Variants in CMTR1 observed in about 807,000 individuals in gnomAD.
The protein encoded by CMTR1 is cap-specific mRNA (nucleoside-2'-O-)-methyltransferase 1.
CMTR1 carries 39 observed loss-of-function variants against 107.0 expected under a neutral mutation model. The ratio of observed to expected loss-of-function variants is 0.36; its 90% CI spans 0.28 to 0.48. CMTR1 has a LOEUF of 0.48. Among genes scored for constraint, CMTR1 ranks in the 20% least tolerant of loss-of-function variants. The probability of loss-of-function intolerance (pLI) is 0.99; values close to 1 mark genes in which losing one functional copy is unlikely to be tolerated. For missense variants in CMTR1, 672 were observed against 1,064.9 expected (o/e 0.63, Z 5.14); for synonymous variants, 366 against 379.5 (o/e 0.96, Z 0.41).
In CMTR1 at chr6:37,446,297, A is replaced by C; in HGVS notation, c.292A>C (p.Met98Leu). 1 of 1,613,928 alleles carries C rather than the reference A, an allele frequency of 6.2e-7. No homozygotes were observed. The highest frequency in any genetic ancestry group is 8.5e-7 in the Non-Finnish European group (1 of 1,179,968). The change falls in exon 4 of 24, where the codon ATG (methionine) becomes CTG (leucine). Residue 98 changes from methionine (M) to leucine (L), a missense_variant. By Grantham distance (15) the Met-to-Leu change is conservative (BLOSUM62 2). Coordinates refer to ENST00000373451, the MANE Select transcript of CMTR1 (RefSeq NM_015050.3). Reference sequence around the variant, plus strand: ...CACTACTTCTCTTTTTCAGGCCAAGATGGGCTTCAGGGAAGGTGAAGGATT... The same window carrying C: ...CACTACTTCTCTTTTTCAGGCCAAGCTGGGCTTCAGGGAAGGTGAAGGATT... ...NSVSQKLMAKMGFREGEGLGK... is the reference protein window; with the variant it reads ...NSVSQKLMAKLGFREGEGLGK...
In CMTR1 at chr6:37,463,158, G is replaced by T. The variant is rs927778077; in HGVS notation, c.1505+150G>T. On this transcript the variant is annotated intron_variant, in intron 13 of 23. Transcript: ENST00000373451. ...GTCTGCTGGTTTCAGGGCTCCCTGGGACTTTGGTTAGTTACCCTCAGGGAC... is the reference window on the plus strand; with the variant it reads ...GTCTGCTGGTTTCAGGGCTCCCTGGTACTTTGGTTAGTTACCCTCAGGGAC... The T allele has an allele frequency of 3.8e-6, 3 of 794,984 alleles. No individual in the cohort carries two copies. The African/African-American group carries it at 5.2e-5, about 14-fold the overall frequency. 49.2% of individuals were successfully genotyped at this position (794,984 alleles called of 1,614,324 possible). A position where few individuals can be genotyped will look rare whatever the true frequency, so the allele number is the denominator to read the frequency against.
At position 37,459,768 on chromosome 6, in the gene CMTR1, T is replaced by G. The variant is rs1256084832; in HGVS notation, c.1095+84T>G. 2.9e-5 allele frequency: 27 copies of G among 936,394 alleles called. 1 individual carries two copies. The highest frequency in any genetic ancestry group is 2.5e-4 in the South Asian group (19 of 76,244). 58.0% of individuals were successfully genotyped at this position (936,394 alleles called of 1,614,324 possible). On this transcript the variant is annotated intron_variant, in intron 10 of 23. Coordinates refer to ENST00000373451, the MANE Select transcript of CMTR1 (RefSeq NM_015050.3). ...AGAATTGTTTGTTTTATCTGGTTCT[T>G]TAGCTGCTCCCAAAGATGGTATTTC... is the stretch of plus-strand genomic sequence containing the variant.
intron 4 of CMTR1, among the ~76,000 whole-genome samples, chr6:37,446,824 C>CT (rs1771809510): frequency 1.3e-5 from 2 of 152,340 alleles, no homozygotes; most frequent in East Asian, 3.9e-4. Flanking sequence ...CACCCACTCT[C>CT]TCACTGTGTG....
In CMTR1 at chr6:37,446,398, A is replaced by T. The variant is rs750060820; in HGVS notation, c.393A>T (p.Thr131=). The T allele has an allele frequency of 6.2e-7, 1 of 1,613,904 alleles. No homozygotes were observed. The highest frequency in any genetic ancestry group is 2.2e-5 in the East Asian group (1 of 44,890). Reference sequence around the variant, plus strand: ...AAGGTCGAAGAGGCTTGGGTCTGACACTCCGGGGCTTTGACCAGGAGCTGA... The same window carrying T: ...AAGGTCGAAGAGGCTTGGGTCTGACTCTCCGGGGCTTTGACCAGGAGCTGA... ...SQKGRRGLGL[T]LRGFDQELNV... The change falls in exon 4 of 24, where the codon ACA becomes ACT. Residue 131 remains threonine, a synonymous_variant. Coordinates refer to ENST00000373451, the MANE Select transcript of CMTR1 (RefSeq NM_015050.3).
chr6:37,436,815 A>T (rs568802621), intron 2 of CMTR1, among the ~76,000 whole-genome samples: 3 of 152,204 alleles, frequency 2.0e-5, no homozygotes, highest in African/African-American at 7.2e-5. Context: ...ACCATATTCA[A>T]CCCAGCACAC....
intron 13 of CMTR1, among the ~76,000 whole-genome samples, chr6:37,463,347 C>G (rs1026548236): frequency 6.6e-6 from 1 of 152,156 alleles, no homozygotes; most frequent in Non-Finnish European, 1.5e-5. Flanking sequence ...TGTAAAAGGC[C>G]ATCATGCTTG....
chr6:37,476,215 C>A lies in CMTR1; in HGVS notation c.2105+21C>A, dbSNP rs143552460. 546 of 1,613,318 alleles carry A rather than the reference C, an allele frequency of 3.4e-4. 3 individuals are homozygous for A. In the African/African-American group the frequency reaches 6.6e-3, roughly 20 times the overall value. ...ATCAGGTGAGCATGTGGTCCCTACCCTCCATGCTTCTTTCTGGCCAGTACC... is the reference window on the plus strand; with the variant it reads ...ATCAGGTGAGCATGTGGTCCCTACCATCCATGCTTCTTTCTGGCCAGTACC... On this transcript the variant is annotated intron_variant, in intron 20 of 23. Coordinates refer to ENST00000373451, the MANE Select transcript of CMTR1 (RefSeq NM_015050.3).
chr6:37,471,886 G>A lies in CMTR1; in HGVS notation c.1602G>A (p.Glu534=). 10 of 1,613,700 alleles carry A rather than the reference G, an allele frequency of 6.2e-6. No individual in the cohort carries two copies. Among genetic ancestry groups the A allele is most frequent in the Non-Finnish European group, 7.6e-6 (9 of 1,179,928 alleles). ...CTCGACAGGCAGAGATACGGAAGGA[G>A]TGCCTCCGACTCTGGGGGGTGAGTA... ...SEPRQAEIRK[E]CLRLWGIPDQ... Residue 534 remains glutamate (E), a synonymous_variant, in exon 15 of 24, where the codon GAG becomes GAA. Coordinates refer to ENST00000373451, the MANE Select transcript of CMTR1 (RefSeq NM_015050.3).
chr6:37,477,338 G>T (rs1761759718), intron 20 of CMTR1, among the ~76,000 whole-genome samples: 2 of 152,192 alleles, frequency 1.3e-5, no homozygotes, highest in Non-Finnish European at 2.9e-5. Flanking sequence ...CCTGTCTTCA[G>T]TATCCAGTTT....
At position 37,466,835 on chromosome 6, in the gene CMTR1, G is replaced by T. The variant is rs550475670; in HGVS notation, c.1505+3827G>T. ...TGGGTTTTTCTATTTCTGCACATACGTGTATATATATATAATTTTTAATGT... is the reference window on the plus strand; with the variant it reads ...TGGGTTTTTCTATTTCTGCACATACTTGTATATATATATAATTTTTAATGT... On this transcript the variant is annotated intron_variant, in intron 13 of 23. Transcript: ENST00000373451. Among the ~76,000 whole-genome samples, 6 of 152,080 alleles carry T rather than the reference G, an allele frequency of 3.9e-5. No individual in the cohort carries two copies. The South Asian group carries it at 1.2e-3, about 32-fold the overall frequency.
At chr6:37,441,248 C>T (rs1185251728) in intron 2 of CMTR1, among the ~76,000 whole-genome samples, 1 of 152,176 alleles carries the variant, frequency 6.6e-6, no homozygotes, top group Non-Finnish European at 1.5e-5. Context: ...TCTCTCTCCT[C>T]TGCATGGGAG....
At chr6:37,441,524 C>G (rs1423623711) in intron 2 of CMTR1, among the ~76,000 whole-genome samples, 1 of 151,934 alleles carries the variant, frequency 6.6e-6, no homozygotes, top group African/African-American at 2.4e-5. Flanking sequence ...AAGTGAATCT[C>G]CTACCTCAGC....
At chr6:37,443,442 C>T (rs1771717654) in intron 2 of CMTR1, among the ~76,000 whole-genome samples, 1 of 151,816 alleles carries the variant, frequency 6.6e-6, no homozygotes, top group Admixed American at 6.6e-5. Flanking sequence ...GCAACTTCTG[C>T]CTCCCGGGTT....
At chr6:37,437,069 A>T (rs985193517) in intron 2 of CMTR1, among the ~76,000 whole-genome samples, 2 of 152,176 alleles carry the variant, frequency 1.3e-5, no homozygotes, top group South Asian at 4.1e-4. Flanking sequence ...AGTCCAGGCT[A>T]GATAAGAGAG....
rs1435304315 is a variant in CMTR1 at position 37,480,103 on chromosome 6, C to A, written c.2466C>A (p.Ser822=). The change falls in exon 24 of 24, where the codon TCC becomes TCA. Residue 822 remains serine, a synonymous_variant. Coordinates refer to ENST00000373451, the MANE Select transcript of CMTR1 (RefSeq NM_015050.3). ...SQKPQDQDKL[S]KEDVLSFIQM... ...AGCCCCAGGACCAGGACAAGCTGTC[C>A]AAGGAGGACGTCCTCTCCTTCATCC... 1 of 1,599,478 alleles carries A rather than the reference C, an allele frequency of 6.3e-7. No individual in the cohort carries two copies. The highest frequency in any genetic ancestry group is 1.1e-5 in the South Asian group (1 of 88,602).
At chr6:37,450,532 A>G (rs1761129333) in intron 5 of CMTR1, among the ~76,000 whole-genome samples, 189 bp downstream of exon 5, 1 of 152,204 alleles carries the variant, frequency 6.6e-6, no homozygotes, top group Non-Finnish European at 1.5e-5. Context: ...GAGATATGAC[A>G]GGGTTTTTTC....
intron 20 of CMTR1, 43 bp from the exon 21 acceptor site, chr6:37,477,549 C>T (rs1424302818): frequency 1.9e-6 from 3 of 1,581,120 alleles, no homozygotes; most frequent in Non-Finnish European, 2.6e-6. Flanking sequence ...ATGAGAATGT[C>T]CCCCAGGAAG....
chr6:37,433,568 CGT>C (rs980374972), intron 1 of CMTR1, among the ~76,000 whole-genome samples, 191 bp downstream of exon 1: 1 of 152,264 alleles, frequency 6.6e-6, no homozygotes, highest in African/African-American at 2.4e-5. Flanking sequence ...CGCTGACACA[CGT>C]CTCTGCGCAC....
chr6:37,462,626 G>A (rs1457476916), intron 12 of CMTR1, among the ~76,000 whole-genome samples: 1 of 152,210 alleles, frequency 6.6e-6, no homozygotes, highest in South Asian at 2.1e-4. Flanking sequence ...GAACTACTGC[G>A]ATAGAGAGTA....
Sources: gnomAD v4.1 joint callset for allele counts (sites outside exome capture counted in the v4.1 genomes callset) on GRCh38, gnomAD v4.1.1 for gene constraint, MANE v1.5 for transcripts, NCBI Gene and HGNC (gene_info 2026-07-23, HGNC 2026-07-21) for gene names.